WDR47: variants seen among roughly 807,000 people sequenced by gnomAD.
WDR47 encodes WD repeat domain 47.
WDR47 carries 32 observed loss-of-function variants against 97.2 expected under a neutral mutation model. The observed-to-expected ratio is 0.33, with a 90% CI of 0.25 to 0.44. The LOEUF (loss-of-function observed/expected upper bound fraction) is 0.44. Among genes scored for constraint, WDR47 ranks in the 20% least tolerant of loss-of-function variants. The pLI, the probability that WDR47 is intolerant of heterozygous loss-of-function variation, is 1.00. For synonymous variants in WDR47, 375 were observed against 373.5 expected (o/e 1.00, Z -0.05); for missense variants, 782 against 1,102.3 (o/e 0.71, Z 4.11).
intron 10 of WDR47, 66 bp from the exon 11 acceptor site, chr1:108,983,517 A>C: frequency 7.7e-7 from 1 of 1,305,356 alleles, no homozygotes; most frequent in Non-Finnish European, 1.0e-6. Context: ...ATGAGGTTCC[A>C]TATTATACTT....
In WDR47 at chr1:108,983,325, G is replaced by A. The variant is rs1482679088; in HGVS notation, c.2052C>T (p.Tyr684=). The A allele has an allele frequency of 5.0e-6, 8 of 1,612,154 alleles. No homozygotes were observed. Among genetic ancestry groups the A allele is most frequent in the South Asian group, 3.3e-5 (3 of 90,816 alleles). The change falls in exon 11 of 15, where the codon TAC becomes TAT. Residue 684 remains tyrosine, a synonymous_variant. Coordinates refer to ENST00000369962, the MANE Select transcript of WDR47 (RefSeq NM_001142551.2). ...QLLATGSNDK[Y]VKVLPFNAET... ...CTGCATTGAAGGGCAGCACTTTGAC[G>A]TATTTGTCATTTGATCCTGTTGCTA...
intron 5 of WDR47, among the ~76,000 whole-genome samples, chr1:109,005,284 C>T (rs1303033833): frequency 4.6e-5 from 7 of 151,912 alleles, no homozygotes; most frequent in African/African-American, 9.7e-5. Context: ...TGTGGTGGGG[C>T]GCCTGTGGTC....
In WDR47 at chr1:109,011,689, T is replaced by C; in HGVS notation, c.357A>G (p.Gln119=). 1.2e-6 allele frequency: 2 copies of C among 1,603,880 alleles called. No individual in the cohort carries two copies. Among genetic ancestry groups the C allele is most frequent in the Non-Finnish European group, 8.5e-7 (1 of 1,173,708 alleles). The part of the protein sequence containing the change: ...HLEFTMQEAV[Q]CLHALEEYCP... ...AGTATTCTTCTAGAGCATGTAAACA[T>C]TGCACAGCTTCTTGCATGGTAAATT... Residue 119 remains glutamine (Q), a synonymous_variant, in exon 5 of 15, where the codon CAA becomes CAG. Transcript: ENST00000369962.
At position 108,970,642 on chromosome 1, in the gene WDR47, C is replaced by G. The variant is rs769011536; in HGVS notation, c.*788G>C. On this transcript the variant is annotated 3_prime_UTR_variant, in exon 15 of 15. Transcript: ENST00000369962. The stretch of plus-strand genomic sequence containing the variant: ...AATGCCAGTAAATTTACTGTACCAT[C>G]AAGTGTTGCATCACATAACTGCTGC... The G allele has an allele frequency of 6.6e-6, 1 of 152,626 alleles. No homozygotes were observed. The highest frequency in any genetic ancestry group is 2.4e-5 in the African/African-American group (1 of 41,434). The allele number at this position is 152,626 out of a possible 1,614,324, so 9.5% of individuals were successfully genotyped here.
At chr1:109,025,982 C>T (rs1280186535) in intron 1 of WDR47, among the ~76,000 whole-genome samples, 1 of 152,162 alleles carries the variant, frequency 6.6e-6, no homozygotes, top group Admixed American at 6.6e-5. Flanking sequence ...GACCACCATC[C>T]TCCTGTTCAC....
At chr1:108,978,791 T>G (rs954100159) in intron 13 of WDR47, among the ~76,000 whole-genome samples, 2 of 152,004 alleles carry the variant, frequency 1.3e-5, no homozygotes, top group Non-Finnish European at 2.9e-5. Flanking sequence ...TGAAGCAAAA[T>G]TAGGATATAA....
At chr1:109,030,163 T>C in intron 1 of WDR47, 3 of 1,371,216 alleles carry the variant, frequency 2.2e-6, no homozygotes, top group Non-Finnish European at 3.0e-6. Flanking sequence ...TCCTACTTCA[T>C]GGGTGTGAAA....
At chr1:109,034,680 A>G (rs896255696) in intron 1 of WDR47, among the ~76,000 whole-genome samples, 1 of 152,154 alleles carries the variant, frequency 6.6e-6, no homozygotes, top group African/African-American at 2.4e-5. Context: ...TGTGAATCTA[A>G]TGCCTGTTGA....
At position 108,971,263 on chromosome 1, in the gene WDR47, G is replaced by A. The variant is rs564941048; in HGVS notation, c.*167C>T. ...TCACATGGAAGACTGAAAGCACTGC[G>A]GAATAACACCACCCAACACCTCCTA... On this transcript the variant is annotated 3_prime_UTR_variant, in exon 15 of 15. Transcript: ENST00000369962. 13 of 896,008 alleles carry A rather than the reference G, an allele frequency of 1.5e-5. No homozygotes were observed. Among genetic ancestry groups the A allele is most frequent in the East Asian group, 7.9e-5 (3 of 37,866 alleles). 55.5% of individuals were successfully genotyped at this position (896,008 alleles called of 1,614,324 possible). A position where few individuals can be genotyped will look rare whatever the true frequency, so the allele number is the denominator to read the frequency against.
chr1:109,006,251 G>A (rs1009249697), intron 5 of WDR47, among the ~76,000 whole-genome samples: 2 of 152,094 alleles, frequency 1.3e-5, no homozygotes, highest in East Asian at 3.9e-4. Flanking sequence ...AAAATTAGCC[G>A]GCATGGTGGA....
At position 109,023,435 on chromosome 1, in the gene WDR47, C is replaced by T; in HGVS notation, c.78G>A (p.Lys26=). Residue 26 remains lysine, a synonymous_variant, in exon 2 of 15, where the codon AAG becomes AAA. Transcript: ENST00000369962. ...CCAGGGCCAGCATACTAATGTGAAG[C>T]TTCTTTGAATTCAGGAAGTCCAAAA... ...KLILDFLNSK[K]LHISMLALEK... 2.5e-6 allele frequency: 4 copies of T among 1,613,772 alleles called. No homozygotes were observed. The highest frequency in any genetic ancestry group is 3.4e-6 in the Non-Finnish European group (4 of 1,179,854).
rs999179968 is a variant in WDR47 at position 108,971,244 on chromosome 1, G to T, written c.*186C>A. 17 of 732,594 alleles carry T rather than the reference G, an allele frequency of 2.3e-5. 1 individual carries two copies. The African/African-American group carries it at 3.0e-4, about 13-fold the overall frequency. The allele number at this position is 732,594 out of a possible 1,614,324, so 45.4% of individuals were successfully genotyped here. ...AGGTCACAGCAGCACGAGCTCACAT[G>T]GAAGACTGAAAGCACTGCGGAATAA... On this transcript the variant is annotated 3_prime_UTR_variant, in exon 15 of 15. Coordinates refer to ENST00000369962, the MANE Select transcript of WDR47 (RefSeq NM_001142551.2).
At chr1:108,997,780 A>G (rs113968964) in intron 7 of WDR47, among the ~76,000 whole-genome samples, 5,110 of 150,040 alleles carry the variant, frequency 0.034, 338 homozygotes, top group African/African-American at 0.12. Context: ...AAAAAAAGAA[A>G]GAAGGAAGGA....
chr1:108,993,198 A>G (rs540857117), intron 8 of WDR47, among the ~76,000 whole-genome samples: 74 of 152,138 alleles, frequency 4.9e-4, no homozygotes, highest in African/African-American at 1.8e-3. Flanking sequence ...GGTGGTATGT[A>G]CCTGTAGTCC....
At chr1:109,023,264 T>TA (rs1557957199) in intron 2 of WDR47, 91 bp downstream of exon 2, 1 of 1,185,394 alleles carries the variant, frequency 8.4e-7, no homozygotes, top group East Asian at 2.8e-5. Flanking sequence ...TTCATGATTA[T>TA]AAAGTTCTAT....
chr1:109,028,091 T>C (rs138373784), intron 1 of WDR47, among the ~76,000 whole-genome samples: 5,603 of 152,326 alleles, frequency 0.037, 123 homozygotes, highest in Admixed American at 0.057. Flanking sequence ...AATCATAATA[T>C]GTGTTCAATA....
chr1:108,982,774 C>T lies in WDR47; in HGVS notation c.2101G>A (p.Asp701Asn). ...CCATCATGCATACTAAATTCCAGAT[C>T]TGGTCCTGAAACAGTAGTAAGAATT... Reference protein sequence around the residue: ...NAETCNATGPDLEFSMHDGTI... With the variant: ...NAETCNATGPNLEFSMHDGTI... Residue 701 changes from aspartate to asparagine, a missense_variant, in exon 12 of 15, where the codon GAT becomes AAT. Around this residue, in one of 3 missense-constraint regions of WDR47, gnomAD observed 228 missense variants for 396.7 expected, o/e 0.57. Transcript: ENST00000369962. 1 of 1,603,792 alleles carries T rather than the reference C, an allele frequency of 6.2e-7. No homozygotes were observed. The highest frequency in any genetic ancestry group is 8.5e-7 in the Non-Finnish European group (1 of 1,177,410).
intron 9 of WDR47, among the ~76,000 whole-genome samples, chr1:108,990,502 C>T (rs1659241695): frequency 6.6e-6 from 1 of 152,112 alleles, no homozygotes; most frequent in Non-Finnish European, 1.5e-5. Context: ...AGCCACCATG[C>T]CTGGCCTAAT....
Position 108,971,416 on chromosome 1 carries a change from A to C in WDR47, c.*14T>G. 6.2e-7 allele frequency: 1 copy of C among 1,613,974 alleles called. No homozygotes were observed. Among genetic ancestry groups the C allele is most frequent in the Non-Finnish European group, 8.5e-7 (1 of 1,179,936 alleles). On this transcript the variant is annotated 3_prime_UTR_variant, in exon 15 of 15. Coordinates refer to ENST00000369962, the MANE Select transcript of WDR47 (RefSeq NM_001142551.2). ...CTCTGTGCTTTTGCTGCATAGACTG[A>C]CATGCGGTGTGCTCTACCCATTGTA...
Sources: gnomAD v4.1 joint callset for allele counts (sites outside exome capture counted in the v4.1 genomes callset) on GRCh38, gnomAD v4.1.1 for gene constraint, gnomAD v4.1.1 regional missense constraint, MANE v1.5 for transcripts, NCBI Gene and HGNC (gene_info 2026-07-23, HGNC 2026-07-21) for gene names.